Variants in STT3B observed in about 807,000 individuals in gnomAD.
STT3B encodes the protein STT3 oligosaccharyltransferase complex catalytic subunit B.
A neutral mutation model predicts 96.8 loss-of-function variants in STT3B; 29 were observed. That is an observed-to-expected ratio of 0.30 (90% confidence interval 0.22 to 0.41). The LOEUF is 0.41. Among genes scored for constraint, STT3B ranks in the 10% least tolerant of loss-of-function variants. The pLI, the probability that STT3B is intolerant of heterozygous loss-of-function variation, is 1.00. For missense variants in STT3B, 640 were observed against 1,022.3 expected (o/e 0.63, Z 5.10); for synonymous variants, 367 against 360.0 (o/e 1.02, Z -0.22).
In STT3B at chr3:31,617,499, C is replaced by G. The variant is rs183654041; in HGVS notation, c.1123+424C>G. On this transcript the variant is annotated intron_variant, in intron 7 of 15. Transcript: ENST00000295770. ...TGAATTCTTTCTAAATTTATTCTGT[C>G]AAATTAATGTAAAAGCCGTGAGTGT... is the stretch of plus-strand genomic sequence containing the variant. Among the ~76,000 whole-genome samples the G allele has an allele frequency of 2.5e-4, 38 of 151,986 alleles. 1 individual carries two copies. Among genetic ancestry groups the G allele is most frequent in the African/African-American group, 8.7e-4 (36 of 41,494 alleles).
intron 1 of STT3B, among the ~76,000 whole-genome samples, chr3:31,554,912 A>G (rs999068187): frequency 6.6e-6 from 1 of 152,144 alleles, no homozygotes; most frequent in African/African-American, 2.4e-5. Context: ...TATATTGACC[A>G]TCAGTATGTA....
At chr3:31,624,670 C>CTTT (rs35298613) in intron 11 of STT3B, among the ~76,000 whole-genome samples, 3 of 131,594 alleles carry the variant, frequency 2.3e-5, no homozygotes, top group Non-Finnish European at 3.2e-5. Context: ...TCAGAATCGG[C>CTTT]TTTTTTTTTT....
chr3:31,626,411 C>T (rs1035918863), intron 13 of STT3B, among the ~76,000 whole-genome samples: 1 of 152,084 alleles, frequency 6.6e-6, no homozygotes, highest in African/African-American at 2.4e-5. Context: ...CCTTTCTTTC[C>T]ATTTCCATTG....
At chr3:31,556,022 C>T (rs1325561188) in intron 1 of STT3B, among the ~76,000 whole-genome samples, 1 of 152,086 alleles carries the variant, frequency 6.6e-6, no homozygotes, top group Non-Finnish European at 1.5e-5. Flanking sequence ...TTTTTGTACC[C>T]ATTGACCAAT....
intron 1 of STT3B, among the ~76,000 whole-genome samples, chr3:31,562,858 A>G (rs1435560902): frequency 1.3e-5 from 2 of 152,168 alleles, no homozygotes; most frequent in African/African-American, 4.8e-5. Context: ...GTAGCTGCTT[A>G]GGTTCGAGTG....
In STT3B at chr3:31,533,327, G is replaced by C. The variant is rs759708946; in HGVS notation, c.314+15G>C. 1 of 1,507,538 alleles carries C rather than the reference G, an allele frequency of 6.6e-7. No homozygotes were observed. The highest frequency in any genetic ancestry group is 2.9e-5 in the East Asian group (1 of 34,626). The allele number at this position is 1,507,538 out of a possible 1,614,324, so 93.4% of individuals were successfully genotyped here. A position where few individuals can be genotyped will look rare whatever the true frequency, so the allele number is the denominator to read the frequency against. ...TTCGACCCGTGGTAAGTGCCTCGCC[G>C]CCCCTCCCCCGCCCGTGGCCCGCGG... On this transcript the variant is annotated intron_variant, in intron 1 of 15. Coordinates refer to ENST00000295770, the MANE Select transcript of STT3B (RefSeq NM_178862.3).
In STT3B at chr3:31,542,296, A is replaced by G. The variant is rs183575545; in HGVS notation, c.314+8984A>G. On this transcript the variant is annotated intron_variant, in intron 1 of 15. Transcript: ENST00000295770. ...TGCTTGATACTTCTTGAAAGCAGGA[A>G]AGAGAATACTGGAACTGGAGGTCTG... Among the ~76,000 whole-genome samples the G allele has an allele frequency of 2.6e-5, 4 of 152,322 alleles. No homozygotes were observed. In the East Asian group the frequency reaches 7.7e-4, roughly 29 times the overall value.
rs150286402 is a variant in STT3B, at chr3:31,561,809, T to C, written c.315-14587T>C. Among the ~76,000 whole-genome samples the C allele has an allele frequency of 5.9e-5, 9 of 152,304 alleles. No homozygotes were observed. In the South Asian group the frequency reaches 8.3e-4, roughly 14 times the overall value. Reference sequence around the variant, plus strand: ...TGGAGAGAATTTTTTCCTGAAGATATATGTATGGTGTTGGTTGGATATGGC... The same window carrying C: ...TGGAGAGAATTTTTTCCTGAAGATACATGTATGGTGTTGGTTGGATATGGC... On this transcript the variant is annotated intron_variant, in intron 1 of 15. Coordinates refer to ENST00000295770, the MANE Select transcript of STT3B (RefSeq NM_178862.3).
At chr3:31,560,232 T>C (rs779680452) in intron 1 of STT3B, among the ~76,000 whole-genome samples, 4 of 152,156 alleles carry the variant, frequency 2.6e-5, no homozygotes, top group Non-Finnish European at 5.9e-5. Flanking sequence ...ATTTTATTAA[T>C]TGATTTCTGG....
intron 3 of STT3B, among the ~76,000 whole-genome samples, chr3:31,584,275 C>CCATCT (rs1381077359): frequency 1.3e-5 from 2 of 152,158 alleles, no homozygotes; most frequent in Non-Finnish European, 2.9e-5. Flanking sequence ...CATTCCCTTG[C>CCATCT]CATCTGTATG....
At chr3:31,594,356 C>T (rs1698737543) in intron 3 of STT3B, among the ~76,000 whole-genome samples, 1 of 152,058 alleles carries the variant, frequency 6.6e-6, no homozygotes, top group South Asian at 2.1e-4. Flanking sequence ...GCTTATGCCC[C>T]CAGACACCAG....
Position 31,634,125 on chromosome 3 carries a change from T to G in STT3B, c.2400+978T>G, listed in dbSNP as rs1052696272. The stretch of plus-strand genomic sequence containing the variant: ...ATGTAAATTACCATGTCTAGACTAA[T>G]GTATTTAAAAATGTCACATAGAGCT... On this transcript the variant is annotated intron_variant, in intron 15 of 15. Transcript: ENST00000295770. 7.9e-5 allele frequency among the ~76,000 whole-genome samples: 12 copies of G among 152,204 alleles called. 1 individual carries two copies. The highest frequency in any genetic ancestry group is 2.4e-4 in the African/African-American group (10 of 41,462).
intron 1 of STT3B, among the ~76,000 whole-genome samples, chr3:31,561,508 T>C (rs1458702611): frequency 1.3e-5 from 2 of 152,180 alleles, no homozygotes; most frequent in African/African-American, 4.8e-5. Flanking sequence ...CAAATAGGTC[T>C]TATTCATTCG....
intron 1 of STT3B, among the ~76,000 whole-genome samples, chr3:31,565,019 A>G (rs770701354): frequency 6.6e-6 from 1 of 152,212 alleles, no homozygotes; most frequent in South Asian, 2.1e-4. Context: ...AATAGAAACA[A>G]TAGGCTTAAC....
At chr3:31,541,663 A>C (rs1437681170) in intron 1 of STT3B, among the ~76,000 whole-genome samples, 1 of 151,688 alleles carries the variant, frequency 6.6e-6, no homozygotes, top group Non-Finnish European at 1.5e-5. Flanking sequence ...TGCAAGCTCC[A>C]CCTCTTGGGT....
chr3:31,633,323 G>GC (rs1699699888), intron 15 of STT3B, 176 bp downstream of exon 15: 3 of 632,728 alleles, frequency 4.7e-6, no homozygotes, highest in Non-Finnish European at 5.3e-6. Context: ...TTCAAACTGA[G>GC]CACTTCAGAT....
At chr3:31,595,589 C>G (rs1476865752) in intron 3 of STT3B, among the ~76,000 whole-genome samples, 2 of 152,090 alleles carry the variant, frequency 1.3e-5, no homozygotes, top group Non-Finnish European at 2.9e-5. Flanking sequence ...TTTCATCAAT[C>G]CTAAAATGTA....
rs372745526 is a variant in STT3B at position 31,579,392 on chromosome 3, TCTTATGTACACA to T, written c.424-415_424-404del. On this transcript the variant is annotated intron_variant, in intron 2 of 15. Transcript: ENST00000295770. ...TTTCTTTATCTTCCTTTTCTCATTT[TCTTATGTACACA>T]CAAGTATGGGCAAAATTGGAGTATG... is the stretch of plus-strand genomic sequence containing the variant. 1.2e-3 allele frequency among the ~76,000 whole-genome samples: 183 copies of T among 150,454 alleles called. 2 individuals carry two copies. Among genetic ancestry groups the T allele is most frequent in the Middle Eastern group, 6.8e-3 (2 of 292 alleles).
At position 31,629,105 on chromosome 3, in the gene STT3B, C is replaced by G. The variant is rs1699599462; in HGVS notation, c.2074-193C>G. ...TCGAGGACAGAACGAGACATTGTCTCAAAAATAATAATTATTAAGGCCTTA... is the reference window on the plus strand; with the variant it reads ...TCGAGGACAGAACGAGACATTGTCTGAAAAATAATAATTATTAAGGCCTTA... On this transcript the variant is annotated intron_variant, in intron 13 of 15. Coordinates refer to ENST00000295770, the MANE Select transcript of STT3B (RefSeq NM_178862.3). The G allele has an allele frequency of 6.1e-6, 3 of 491,976 alleles. No homozygotes were observed. In the East Asian group the frequency reaches 1.2e-4, roughly 19 times the overall value. The allele number at this position is 491,976 out of a possible 1,614,324, so 30.5% of individuals were successfully genotyped here. A position where few individuals can be genotyped will look rare whatever the true frequency, so the allele number is the denominator to read the frequency against.
Sources: gnomAD v4.1 joint callset for allele counts (sites outside exome capture counted in the v4.1 genomes callset) on GRCh38, gnomAD v4.1.1 for gene constraint, MANE v1.5 for transcripts, NCBI Gene and HGNC (gene_info 2026-07-23, HGNC 2026-07-21) for gene names.